The following ARFGEF1 variants were observed in gnomAD, a reference collection of about 807,000 sequenced individuals.
ARFGEF1 encodes ARF guanine nucleotide exchange factor 1.
ARFGEF1 carries 42 observed loss-of-function variants against 231.0 expected under a neutral mutation model. The observed-to-expected ratio is 0.18, with a 90% CI of 0.14 to 0.24. ARFGEF1 has a LOEUF of 0.24. ARFGEF1 is among the 10% of genes least tolerant of loss of function. The pLI is 1.00. For missense variants in ARFGEF1, 1,345 were observed against 2,192.0 expected (o/e 0.61, Z 7.72); for synonymous variants, 710 against 732.3 (o/e 0.97, Z 0.49).
chr8:67,302,905 TTAA>T (rs1254385929), intron 1 of ARFGEF1, among the ~76,000 whole-genome samples: 123 of 100,254 alleles, frequency 1.2e-3, no homozygotes, highest in African/African-American at 4.6e-3. Flanking sequence ...ACCCCATCTC[TTAA>T]AAAAAAAAAA....
chr8:67,219,653 G>T, intron 29 of ARFGEF1, 93 bp from the exon 30 acceptor site: 1 of 1,360,148 alleles, frequency 7.4e-7, no homozygotes. Flanking sequence ...GTTAAAAACA[G>T]AAAGCTTAAA....
At chr8:67,330,790 A>G (rs560140980) in intron 1 of ARFGEF1, among the ~76,000 whole-genome samples, 1 of 152,182 alleles carries the variant, frequency 6.6e-6, no homozygotes, top group Non-Finnish European at 1.5e-5. Context: ...TTGTCACTGC[A>G]TTAAACATTG....
At chr8:67,297,651 T>C (rs188351103) in intron 4 of ARFGEF1, among the ~76,000 whole-genome samples, 2 of 152,332 alleles carry the variant, frequency 1.3e-5, no homozygotes, top group East Asian at 1.9e-4. Flanking sequence ...TTTTCACATA[T>C]TGGGTTACTT....
intron 5 of ARFGEF1, among the ~76,000 whole-genome samples, chr8:67,295,569 T>G (rs1806196648): frequency 6.6e-6 from 1 of 152,284 alleles, no homozygotes; most frequent in East Asian, 1.9e-4. Flanking sequence ...ATTAGTATCC[T>G]TTTAAAAATA....
intron 4 of ARFGEF1, among the ~76,000 whole-genome samples, chr8:67,297,780 T>C: frequency 6.6e-6 from 1 of 151,026 alleles, no homozygotes; most frequent in East Asian, 1.9e-4. Flanking sequence ...CTATACATGA[T>C]AGGTCAAAAT....
At chr8:67,290,673 A>C (rs1404669074) in intron 6 of ARFGEF1, among the ~76,000 whole-genome samples, 4 of 152,194 alleles carry the variant, frequency 2.6e-5, no homozygotes, top group African/African-American at 9.7e-5. Context: ...AAAAAAATAA[A>C]TAAAGTCCCA....
chr8:67,260,684 G>A lies in ARFGEF1; in HGVS notation c.2124-758C>T, dbSNP rs181392108. Among the ~76,000 whole-genome samples the A allele has an allele frequency of 1.8e-4, 28 of 152,238 alleles. No homozygotes were observed. In the East Asian group the frequency reaches 5.4e-3, roughly 29 times the overall value. On this transcript the variant is annotated intron_variant, in intron 14 of 38. Coordinates refer to ENST00000262215, the MANE Select transcript of ARFGEF1 (RefSeq NM_006421.5). ...GCCAGTTAAGAACCCTACAATAAGT[G>A]TTCAAGTGGAAGGAAGACTCGCACA...
At chr8:67,179,255 T>C (rs930572321) in intron 5 of ARFGEF1, among the ~76,000 whole-genome samples, 1 of 152,210 alleles carries the variant, frequency 6.6e-6, no homozygotes, top group African/African-American at 2.4e-5. Flanking sequence ...GCATTTTTTT[T>C]CGTTACTATA....
intron 7 of ARFGEF1, among the ~76,000 whole-genome samples, chr8:67,277,932 C>T (rs1216872679): frequency 1.3e-5 from 2 of 152,144 alleles, no homozygotes; most frequent in African/African-American, 4.8e-5. Flanking sequence ...ATTTATTGTA[C>T]CATAAGCCCC....
intron 22 of ARFGEF1, among the ~76,000 whole-genome samples, chr8:67,235,919 A>G (rs893212131): frequency 2.0e-5 from 3 of 152,058 alleles, no homozygotes; most frequent in Non-Finnish European, 2.9e-5. Context: ...CTTTTTTTCT[A>G]TCAGTCAGAA....
At chr8:67,226,428 G>A (rs55737416) in intron 27 of ARFGEF1, among the ~76,000 whole-genome samples, 19,024 of 151,848 alleles carry the variant, frequency 0.13, 2,340 homozygotes, top group African/African-American at 0.32. Context: ...ACTGGTACAC[G>A]GTAGGTACTG....
downstream of ARFGEF1, chr8:67,195,717 A>C (rs988656315): frequency 1.0e-5 from 7 of 692,782 alleles, no homozygotes; most frequent in Admixed American, 5.7e-5. Flanking sequence ...TCTGTATATA[A>C]AATTATTTTT....
chr8:67,175,136 G>A, downstream of ARFGEF1: 2 of 622,170 alleles, frequency 3.2e-6, no homozygotes, highest in Non-Finnish European at 5.8e-6. Context: ...CTTTAGTTTT[G>A]TGGCTATTTT....
At chr8:67,325,982 TG>T (rs1464420249) in intron 1 of ARFGEF1, among the ~76,000 whole-genome samples, 2 of 152,172 alleles carry the variant, frequency 1.3e-5, no homozygotes, top group African/African-American at 4.8e-5. Context: ...GCAGATCACT[TG>T]AGGTCAGGAG....
chr8:67,320,780 G>A (rs1807552362), intron 1 of ARFGEF1, among the ~76,000 whole-genome samples: 2 of 151,774 alleles, frequency 1.3e-5, no homozygotes, highest in South Asian at 2.1e-4. Flanking sequence ...TGGCCAACAT[G>A]GTGAAACCCC....
intron 1 of ARFGEF1, among the ~76,000 whole-genome samples, chr8:67,311,464 G>A (rs1807051539): frequency 7.0e-6 from 1 of 142,134 alleles, no homozygotes; most frequent in Admixed American, 6.8e-5. Flanking sequence ...GGAGGGAGGT[G>A]GGGGGGTCAG....
At chr8:67,251,122 TTAAG>T (rs879320907) in intron 19 of ARFGEF1, among the ~76,000 whole-genome samples, 173 bp downstream of exon 19, 54 of 152,236 alleles carry the variant, frequency 3.5e-4, no homozygotes, top group African/African-American at 1.1e-3. Flanking sequence ...CTTGTTCTCT[TTAAG>T]TAATAGAAAA....
intron 33 of ARFGEF1, among the ~76,000 whole-genome samples, chr8:67,214,046 C>G (rs150800267): frequency 9.5e-4 from 144 of 152,290 alleles, no homozygotes; most frequent in African/African-American, 3.2e-3. Context: ...TTCTGAGACA[C>G]ATGATAGGGA....
At chr8:67,223,713 T>C (rs1312351668) in intron 29 of ARFGEF1, among the ~76,000 whole-genome samples, 1 of 152,066 alleles carries the variant, frequency 6.6e-6, no homozygotes, top group Non-Finnish European at 1.5e-5. Context: ...AGAAAGCAGG[T>C]GGATCCTCCA....
Sources: gnomAD v4.1 joint callset for allele counts (sites outside exome capture counted in the v4.1 genomes callset) on GRCh38, gnomAD v4.1.1 for gene constraint, MANE v1.5 for transcripts, NCBI Gene and HGNC (gene_info 2026-07-23, HGNC 2026-07-21) for gene names.